CAND1: variants seen among roughly 807,000 people sequenced by gnomAD.
CAND1 encodes cullin associated and neddylation dissociated 1.
A neutral mutation model predicts 108.5 loss-of-function variants in CAND1; 7 were observed. The observed-to-expected ratio is 0.06, with a 90% CI of 0.04 to 0.12. The LOEUF (loss-of-function observed/expected upper bound fraction) is 0.12, where lower values mean the gene tolerates loss of function less well. Among genes scored for constraint, CAND1 ranks in the 10% least tolerant of loss-of-function variants. The pLI is 1.00. For missense variants in CAND1, 941 were observed against 1,448.7 expected, an observed-to-expected ratio of 0.65 and a Z score of 5.69; for synonymous variants, 534 against 512.0, an observed-to-expected ratio of 1.04 and a Z score of -0.58.
chr12:67,294,083 T>G (rs902366378), intron 3 of CAND1, among the ~76,000 whole-genome samples: 3 of 152,226 alleles, frequency 2.0e-5, no homozygotes, highest in Non-Finnish European at 4.4e-5. Flanking sequence ...CTTATTTCAA[T>G]AAAACATTTC....
Position 67,306,548 on chromosome 12 carries a change from A to T in CAND1, c.2880A>T (p.Leu960=). 1.9e-6 allele frequency: 3 copies of T among 1,613,866 alleles called. No homozygotes were observed. The highest frequency in any genetic ancestry group is 2.5e-6 in the Non-Finnish European group (3 of 1,179,852). Residue 960 remains leucine, a synonymous_variant, in exon 10 of 15, where the codon CTA becomes CTT. Transcript: ENST00000545606. ...CTGAATGTCTAGGAAAACTCACTCT[A>T]ATTGATCCAGAAACTCTCCTTCCAC... ...VVAECLGKLT[L]IDPETLLPRL... is the part of the protein sequence containing the mutation.
rs552032999 is a variant in CAND1, at chr12:67,272,722, G to A, written c.68+2937G>A. Among the ~76,000 whole-genome samples, 399 of 151,864 alleles carry A rather than the reference G, an allele frequency of 2.6e-3. 3 individuals are homozygous for A. The highest frequency in any genetic ancestry group is 9.4e-3 in the African/African-American group (390 of 41,390). On this transcript the variant is annotated intron_variant, in intron 1 of 14. Coordinates refer to ENST00000545606, the MANE Select transcript of CAND1 (RefSeq NM_018448.5). ...TTTTTTTTGTTTGTTTTTTTGAGAT[G>A]GAGTCTTTTCTGTCGCCAGGCTGTA...
chr12:67,295,074 C>T lies in CAND1; in HGVS notation c.409C>T (p.Arg137Cys), dbSNP rs1466850230. Residue 137 changes from arginine (R) to cysteine (C), a missense_variant, in exon 4 of 15, where the codon CGT becomes TGT. Coordinates refer to ENST00000545606, the MANE Select transcript of CAND1 (RefSeq NM_018448.5). ...TAATGTATGTAAAAAGATTACTGGA[C>T]GTCTTACAAGTGCAATAGCAAAACA... ...AANVCKKITG[R>C]LTSAIAKQED... 1.9e-6 allele frequency: 3 copies of T among 1,612,660 alleles called. No individual in the cohort carries two copies. The highest frequency in any genetic ancestry group is 2.2e-5 in the East Asian group (1 of 44,782).
At chr12:67,278,039 A>G (rs2044585730) in intron 1 of CAND1, among the ~76,000 whole-genome samples, 1 of 152,170 alleles carries the variant, frequency 6.6e-6, no homozygotes, top group African/African-American at 2.4e-5. Flanking sequence ...ACTCTCTTAG[A>G]ATAAAGGCTA....
At chr12:67,271,677 T>C (rs2044522216) in intron 1 of CAND1, among the ~76,000 whole-genome samples, 1 of 152,262 alleles carries the variant, frequency 6.6e-6, no homozygotes, top group African/African-American at 2.4e-5. Context: ...AAAGATTATG[T>C]ATGAATTTTG....
In CAND1 at chr12:67,314,577, A is replaced by G. The variant is rs1449297496; in HGVS notation, c.*1747A>G. ...TGGATATATTTAAGTATTTGGTTACATGGTTTTACAATAAATTACAATACT... is the reference window on the plus strand; with the variant it reads ...TGGATATATTTAAGTATTTGGTTACGTGGTTTTACAATAAATTACAATACT... On this transcript the variant is annotated 3_prime_UTR_variant, in exon 15 of 15. Coordinates refer to ENST00000545606, the MANE Select transcript of CAND1 (RefSeq NM_018448.5). 1 of 152,248 alleles carries G rather than the reference A, an allele frequency of 6.6e-6. No individual in the cohort carries two copies. Among genetic ancestry groups the G allele is most frequent in the Non-Finnish European group, 1.5e-5 (1 of 68,050 alleles). The allele number at this position is 152,248 out of a possible 1,614,324, so 9.4% of individuals were successfully genotyped here. A position where few individuals can be genotyped will look rare whatever the true frequency, so the allele number is the denominator to read the frequency against.
At chr12:67,291,992 G>A (rs1033008289) in intron 2 of CAND1, among the ~76,000 whole-genome samples, 3 of 152,148 alleles carry the variant, frequency 2.0e-5, no homozygotes, top group African/African-American at 7.2e-5. Context: ...TTCCCAAGTA[G>A]TTGGGACTAC....
intron 4 of CAND1, among the ~76,000 whole-genome samples, chr12:67,296,216 T>G (rs962521775): frequency 1.3e-5 from 2 of 152,156 alleles, no homozygotes; most frequent in African/African-American, 4.8e-5. Flanking sequence ...GAACACTGAT[T>G]GTCCTGGCAC....
At chr12:67,286,200 C>T (rs1397821282) in intron 2 of CAND1, among the ~76,000 whole-genome samples, 4 of 151,940 alleles carry the variant, frequency 2.6e-5, no homozygotes, top group East Asian at 1.9e-4. Flanking sequence ...TAAATAGAGA[C>T]GGGGTTTCAC....
At chr12:67,283,648 A>G (rs1157279802) in intron 2 of CAND1, among the ~76,000 whole-genome samples, 1 of 151,592 alleles carries the variant, frequency 6.6e-6, no homozygotes, top group African/African-American at 2.4e-5. Context: ...TTAATTCTTT[A>G]TCTTTTAATA....
intron 4 of CAND1, chr12:67,297,182 C>T (rs1038237793): frequency 5.7e-5 from 34 of 599,158 alleles, no homozygotes; most frequent in African/African-American, 2.6e-4. Context: ...TCTAGATTCC[C>T]GGAGTCAGTT....
Position 67,313,838 on chromosome 12 carries a change from GA to G in CAND1, c.*1012del, listed in dbSNP as rs1045360572. 2 of 152,372 alleles carry G rather than the reference GA, an allele frequency of 1.3e-5. No individual in the cohort carries two copies. The highest frequency in any genetic ancestry group is 2.9e-5 in the Non-Finnish European group (2 of 67,968). 9.4% of individuals were successfully genotyped at this position (152,372 alleles called of 1,614,324 possible). ...GTATGCTTTTGAATTTTATTTTTAGGAAAATTCTGAAGCCAGCTATCACAGG... is the reference window on the plus strand; with the variant it reads ...GTATGCTTTTGAATTTTATTTTTAGGAAATTCTGAAGCCAGCTATCACAGG... On this transcript the variant is annotated 3_prime_UTR_variant, in exon 15 of 15. Coordinates refer to ENST00000545606, the MANE Select transcript of CAND1 (RefSeq NM_018448.5).
chr12:67,292,870 T>C, intron 3 of CAND1, 94 bp downstream of exon 3: 1 of 1,177,906 alleles, frequency 8.5e-7, no homozygotes, highest in South Asian at 1.3e-5. Context: ...GGGAGGGAGG[T>C]GGCTGTCCTT....
rs2044734346 is a variant in CAND1 at position 67,292,766 on chromosome 12, A to G, written c.357A>G (p.Pro119=). 2.5e-6 allele frequency: 4 copies of G among 1,613,576 alleles called. No homozygotes were observed. Among genetic ancestry groups the G allele is most frequent in the Non-Finnish European group, 3.4e-6 (4 of 1,179,840 alleles). ...GLKTVIGELP[P]ASSGSALAAN... is the part of the protein sequence containing the mutation. Reference sequence around the variant, plus strand: ...AAACAGTAATTGGAGAACTTCCTCCAGCTTCCAGTGGTAAGCAAGAGCACA... The same window carrying G: ...AAACAGTAATTGGAGAACTTCCTCCGGCTTCCAGTGGTAAGCAAGAGCACA... The change falls in exon 3 of 15, where the codon CCA becomes CCG. Residue 119 remains proline (P), a synonymous_variant. Coordinates refer to ENST00000545606, the MANE Select transcript of CAND1 (RefSeq NM_018448.5).
At chr12:67,294,002 T>C (rs1246103504) in intron 3 of CAND1, among the ~76,000 whole-genome samples, 1 of 152,206 alleles carries the variant, frequency 6.6e-6, no homozygotes, top group East Asian at 1.9e-4. Flanking sequence ...AAATCCATTT[T>C]CTTTTAATCG....
chr12:67,310,256 T>G lies in CAND1; in HGVS notation c.3300T>G (p.Leu1100=). Residue 1100 remains leucine, a synonymous_variant, in exon 13 of 15, where the codon CTT becomes CTG. Transcript: ENST00000545606. ...TTCTAGACAGTTGTCTTGATAGACT[T>G]GATATCTTTGAATTTCTAAATCATG... ...YTLLDSCLDR[L]DIFEFLNHVE... 1.9e-6 allele frequency: 3 copies of G among 1,611,588 alleles called. No homozygotes were observed. The highest frequency in any genetic ancestry group is 1.7e-6 in the Non-Finnish European group (2 of 1,178,036).
chr12:67,310,341 CA>C (rs1432991123), intron 13 of CAND1, 25 bp downstream of exon 13: 1 of 1,537,258 alleles, frequency 6.5e-7, no homozygotes. Flanking sequence ...CCTATTTATA[CA>C]ATGTTTTAGA....
In CAND1 at chr12:67,306,517, T is replaced by C; in HGVS notation, c.2849T>C (p.Val950Ala). The C allele has an allele frequency of 6.2e-7, 1 of 1,614,030 alleles. No individual in the cohort carries two copies. The highest frequency in any genetic ancestry group is 1.6e-4 in the Middle Eastern group (1 of 6,062). Reference protein sequence around the residue: ...CECAEEGTRNVVAECLGKLTL... With the variant: ...CECAEEGTRNAVAECLGKLTL... ...TGTGCAGAGGAAGGAACCAGAAATGTTGTTGCTGAATGTCTAGGAAAACTC... is the reference window on the plus strand; with the variant it reads ...TGTGCAGAGGAAGGAACCAGAAATGCTGTTGCTGAATGTCTAGGAAAACTC... Residue 950 changes from valine (V) to alanine (A), a missense_variant, in exon 10 of 15, where the codon GTT becomes GCT. Coordinates refer to ENST00000545606, the MANE Select transcript of CAND1 (RefSeq NM_018448.5).
chr12:67,318,380 A>G lies in CAND1; in HGVS notation c.*5550A>G, dbSNP rs1033494586. ...GACTTGGGCAAATAATTTAACCTCA[A>G]CTTTCCCTATCTATAAAATGGGAAT... On this transcript the variant is annotated 3_prime_UTR_variant, in exon 15 of 15. Transcript: ENST00000545606. The G allele has an allele frequency of 6.6e-6, 1 of 152,190 alleles. No homozygotes were observed. Among genetic ancestry groups the G allele is most frequent in the Non-Finnish European group, 1.5e-5 (1 of 68,030 alleles). 9.4% of individuals were successfully genotyped at this position (152,190 alleles called of 1,614,324 possible).
Sources: allele counts gnomAD v4.1 joint callset (sites outside exome capture counted in the v4.1 genomes callset), GRCh38; gene constraint gnomAD v4.1.1; transcripts MANE v1.5; gene names NCBI Gene and HGNC (gene_info 2026-07-23, HGNC 2026-07-21).